The following PCDHA2 variants were observed in gnomAD, a reference collection of about 807,000 sequenced individuals.
The protein encoded by PCDHA2 is protocadherin alpha 2, also known as protocadherin alpha-2.
A neutral mutation model predicts 66.0 loss-of-function variants in PCDHA2; 58 were observed. The observed-to-expected ratio is 0.88, with a 90% CI of 0.71 to 1.09. PCDHA2 has a LOEUF of 1.09. PCDHA2 is among the 50% of genes least tolerant of loss of function. The probability of loss-of-function intolerance (pLI) is 0.00; values close to 1 mark genes in which losing one functional copy is unlikely to be tolerated. For missense variants in PCDHA2, 1,267 were observed against 1,242.3 expected (o/e 1.02, Z -0.30); for synonymous variants, 634 against 554.0 (o/e 1.14, Z -2.03).
chr5:140,935,389 C>T (rs559765340), intron 1 of PCDHA2, among the ~76,000 whole-genome samples: 20 of 152,288 alleles, frequency 1.3e-4, no homozygotes, highest in African/African-American at 4.8e-4. Flanking sequence ...CATTTGTTAT[C>T]CCACGGGACT....
chr5:140,875,261 G>T, intron 1 of PCDHA2: 1 of 1,130,462 alleles, frequency 8.8e-7, no homozygotes, highest in East Asian at 2.7e-5. Flanking sequence ...ACATGATGTC[G>T]CTCTACACTC....
At chr5:140,966,489 C>A in intron 1 of PCDHA2, 2 of 440,146 alleles carry the variant, frequency 4.5e-6, no homozygotes, top group Non-Finnish European at 7.9e-6. Flanking sequence ...TTCCCTCCCC[C>A]TGGAGCTGTA....
intron 1 of PCDHA2, among the ~76,000 whole-genome samples, chr5:140,963,604 T>A (rs1379826259): frequency 6.6e-6 from 1 of 152,234 alleles, no homozygotes; most frequent in Non-Finnish European, 1.5e-5. Flanking sequence ...CTAGACGTAA[T>A]TGGGAAAGCT....
chr5:140,883,761 G>C, intron 1 of PCDHA2: 1 of 1,612,908 alleles, frequency 6.2e-7, no homozygotes, highest in Non-Finnish European at 8.5e-7. Flanking sequence ...GTGGAGCGGC[G>C]GGTGGGCGAG....
At chr5:140,853,065 G>A in intron 1 of PCDHA2, 1 of 280,750 alleles carries the variant, frequency 3.6e-6, no homozygotes, top group Non-Finnish European at 5.5e-6. Context: ...ATTTTTAGTA[G>A]AGATGGGGTT....
Position 140,927,170 on chromosome 5 carries a change from G to A in PCDHA2, c.2389-51779G>A, listed in dbSNP as rs370656989. The A allele has an allele frequency of 2.6e-5, 42 of 1,614,048 alleles. No individual in the cohort carries two copies. The highest frequency in any genetic ancestry group is 3.5e-5 in the Non-Finnish European group (41 of 1,180,042). On this transcript the variant is annotated intron_variant, in intron 1 of 3. Coordinates refer to ENST00000526136, the MANE Select transcript of PCDHA2 (RefSeq NM_018905.3). Reference sequence around the variant, plus strand: ...CAGCTGTGCAGGGCCAAAGCTGCCTGCGTCTTGACCTACGACCTGGTGCTC... The same window carrying A: ...CAGCTGTGCAGGGCCAAAGCTGCCTACGTCTTGACCTACGACCTGGTGCTC...
At chr5:140,897,381 T>C (rs1258843270) in intron 1 of PCDHA2, among the ~76,000 whole-genome samples, 1 of 136,686 alleles carries the variant, frequency 7.3e-6, no homozygotes, top group Non-Finnish European at 1.5e-5. Flanking sequence ...CCCTTCCCCT[T>C]CCTGTGTCCA....
chr5:140,960,053 G>A (rs2095524432), intron 1 of PCDHA2, among the ~76,000 whole-genome samples: 3 of 152,156 alleles, frequency 2.0e-5, no homozygotes, highest in Non-Finnish European at 4.4e-5. Flanking sequence ...TTAAAAACAT[G>A]TACAGAAGAT....
chr5:140,969,428 CAA>C lies in PCDHA2; in HGVS notation c.2389-9520_2389-9519del, dbSNP rs2096329692. The stretch of plus-strand genomic sequence containing the variant: ...GGCTTTATTGAGTCATTAACAGTGA[CAA>C]GAGTTATCTGGTAAACTGAGTATAT... On this transcript the variant is annotated intron_variant, in intron 1 of 3. Coordinates refer to ENST00000526136, the MANE Select transcript of PCDHA2 (RefSeq NM_018905.3). 8.4e-6 allele frequency: 13 copies of C among 1,555,028 alleles called. No homozygotes were observed. The East Asian group carries it at 1.4e-4, about 17-fold the overall frequency.
At chr5:140,841,916 T>A (rs1554138648) in intron 1 of PCDHA2, 11 of 1,613,792 alleles carry the variant, frequency 6.8e-6, no homozygotes, top group Non-Finnish European at 9.3e-6. Flanking sequence ...ATTAAGAAAA[T>A]CCTTGGACAG....
intron 1 of PCDHA2, among the ~76,000 whole-genome samples, chr5:140,874,106 T>C (rs1554167018): frequency 1.3e-5 from 2 of 152,266 alleles, no homozygotes; most frequent in African/African-American, 4.8e-5. Flanking sequence ...TTTTAATTAC[T>C]TAACGTTTTA....
chr5:140,817,220 T>C (rs1766092523), intron 1 of PCDHA2: 1 of 152,294 alleles, frequency 6.6e-6, no homozygotes, highest in Admixed American at 6.5e-5. Flanking sequence ...ACTTTCTCTT[T>C]CCCTTCTCAG....
chr5:140,999,144 G>A (rs2097848915), intron 3 of PCDHA2, among the ~76,000 whole-genome samples: 1 of 152,200 alleles, frequency 6.6e-6, no homozygotes, highest in Non-Finnish European at 1.5e-5. Context: ...ACAGCCGGAA[G>A]TCTTCAGTCC....
chr5:140,979,060 C>T, intron 2 of PCDHA2, 53 bp downstream of exon 2: 1 of 1,606,180 alleles, frequency 6.2e-7, no homozygotes, highest in Non-Finnish European at 8.5e-7. Context: ...TGGTATGGCT[C>T]AGATAAACTG....
intron 1 of PCDHA2, chr5:140,802,908 G>A (rs1357765961): frequency 6.2e-7 from 1 of 1,613,636 alleles, no homozygotes; most frequent in African/African-American, 1.3e-5. Flanking sequence ...GCCTCGGGTG[G>A]GTGGCATCGG....
chr5:140,838,063 A>C (rs1775401447), intron 1 of PCDHA2, among the ~76,000 whole-genome samples: 1 of 128,138 alleles, frequency 7.8e-6, no homozygotes. Flanking sequence ...TTCCACTTTA[A>C]GTTATATATA....
intron 1 of PCDHA2, among the ~76,000 whole-genome samples, chr5:140,954,551 T>C (rs2095055563): frequency 6.6e-6 from 1 of 152,250 alleles, no homozygotes; most frequent in South Asian, 2.1e-4. Context: ...ATATGTTTGT[T>C]GGCTGCATGA....
At chr5:140,869,359 G>A in intron 1 of PCDHA2, 1 of 1,614,110 alleles carries the variant, frequency 6.2e-7, no homozygotes, top group Non-Finnish European at 8.5e-7. Context: ...CATTTTGTTT[G>A]TGAATTCTCG....
rs1353542973 is a variant in PCDHA2 at position 140,828,575 on chromosome 5, G to T, written c.2388+31223G>T. On this transcript the variant is annotated intron_variant, in intron 1 of 3. Coordinates refer to ENST00000526136, the MANE Select transcript of PCDHA2 (RefSeq NM_018905.3). ...ACTGGAGGGCGCGTCCGATGCAGAT[G>T]TTGGCTCAAATTCCATCTTAACCTA... 1.2e-6 allele frequency: 2 copies of T among 1,614,260 alleles called. No homozygotes were observed. The highest frequency in any genetic ancestry group is 1.7e-6 in the Non-Finnish European group (2 of 1,180,044).
Sources: gnomAD v4.1 joint callset for allele counts (sites outside exome capture counted in the v4.1 genomes callset) on GRCh38, gnomAD v4.1.1 for gene constraint, MANE v1.5 for transcripts, NCBI Gene and HGNC (gene_info 2026-07-23, HGNC 2026-07-21) for gene names.